The following PPP3R1 variants were observed in gnomAD, a reference collection of about 807,000 sequenced individuals.
PPP3R1 encodes calcineurin subunit B type 1.
A neutral mutation model predicts 22.6 loss-of-function variants in PPP3R1; 5 were observed. The observed-to-expected ratio is 0.22, with a 90% CI of 0.12 to 0.46. The LOEUF is 0.46. Among genes scored for constraint, PPP3R1 ranks in the 20% least tolerant of loss-of-function variants. The pLI, the probability that PPP3R1 is intolerant of heterozygous loss-of-function variation, is 0.99. For synonymous variants in PPP3R1, 56 were observed against 65.2 expected (o/e 0.86, Z 0.68); for missense variants, 61 against 203.2 (o/e 0.30, Z 4.25).
chr2:68,237,249 C>T (rs1260483712), intron 1 of PPP3R1, among the ~76,000 whole-genome samples: 1 of 152,020 alleles, frequency 6.6e-6, no homozygotes, highest in Non-Finnish European at 1.5e-5. Context: ...TCCAGTAGTT[C>T]AATTGATTCC....
At chr2:68,226,072 C>A (rs939611417) in intron 1 of PPP3R1, among the ~76,000 whole-genome samples, 3 of 152,040 alleles carry the variant, frequency 2.0e-5, no homozygotes, top group Admixed American at 6.6e-5. Context: ...GTAAAAGAAA[C>A]CAGACACAAA....
intron 1 of PPP3R1, among the ~76,000 whole-genome samples, chr2:68,238,844 GA>G (rs921239660): frequency 1.3e-5 from 2 of 151,964 alleles, no homozygotes; most frequent in African/African-American, 4.8e-5. Context: ...TTATGTCCCT[GA>G]AAAAAACCTC....
intron 2 of PPP3R1, among the ~76,000 whole-genome samples, chr2:68,212,079 G>A (rs1047012324): frequency 2.0e-5 from 3 of 151,944 alleles, no homozygotes; most frequent in Admixed American, 1.3e-4. Context: ...ATCCTTTCCC[G>A]GTTTGTTTGT....
intron 5 of PPP3R1, among the ~76,000 whole-genome samples, chr2:68,184,120 T>C (rs1215629025): frequency 6.6e-6 from 1 of 152,158 alleles, no homozygotes; most frequent in Non-Finnish European, 1.5e-5. Context: ...AATCTCTTGA[T>C]AGGGTGCAGG....
intron 1 of PPP3R1, among the ~76,000 whole-genome samples, chr2:68,246,452 G>A (rs1241294883): frequency 6.6e-6 from 1 of 152,026 alleles, no homozygotes. Context: ...GCTACTCAAA[G>A]CTTTAAAAAG....
At chr2:68,222,858 C>T (rs1290339211) in intron 1 of PPP3R1, among the ~76,000 whole-genome samples, 2 of 151,204 alleles carry the variant, frequency 1.3e-5, no homozygotes, top group South Asian at 4.2e-4. Context: ...CAAATAGGTA[C>T]AAAGAAAAAG....
chr2:68,247,203 T>A (rs564867059), intron 1 of PPP3R1, among the ~76,000 whole-genome samples: 13 of 152,198 alleles, frequency 8.5e-5, no homozygotes, highest in Non-Finnish European at 1.8e-4. Context: ...TCCATCTGCC[T>A]CGGCCTCCCA....
At chr2:68,244,922 G>C (rs556280982) in intron 1 of PPP3R1, among the ~76,000 whole-genome samples, 1 of 152,312 alleles carries the variant, frequency 6.6e-6, no homozygotes, top group South Asian at 2.1e-4. Context: ...TGCATTCACA[G>C]AGTTTACTTT....
Position 68,179,460 on chromosome 2 carries a change from TCAGTTGAAGGAA to T in PPP3R1, c.*1491_*1502del, listed in dbSNP as rs1423051408. The T allele has an allele frequency of 6.6e-6, 1 of 152,450 alleles. No homozygotes were observed. The allele number at this position is 152,450 out of a possible 1,614,324, so 9.4% of individuals were successfully genotyped here. ...AGACAGAGCCCATGATGTGCAGCAC[TCAGTTGAAGGAA>T]CAGCGATGGCAGGCAGGTGTGCTCA... On this transcript the variant is annotated 3_prime_UTR_variant, in exon 6 of 6. Coordinates refer to ENST00000234310, the MANE Select transcript of PPP3R1 (RefSeq NM_000945.4).
intron 1 of PPP3R1, among the ~76,000 whole-genome samples, chr2:68,240,146 G>C (rs752963506): frequency 6.6e-6 from 1 of 151,884 alleles, no homozygotes; most frequent in East Asian, 2.0e-4. Flanking sequence ...AGGAGCATTT[G>C]TAATTTTATA....
In PPP3R1 at chr2:68,180,141, G is replaced by A. The variant is rs1176447245; in HGVS notation, c.*822C>T. On this transcript the variant is annotated 3_prime_UTR_variant, in exon 6 of 6. Transcript: ENST00000234310. The stretch of plus-strand genomic sequence containing the variant: ...ATCACAACTAGCACTTAACGTTACT[G>A]AGGGACATTTAATAAATGCAATGGC... 2.0e-5 allele frequency: 3 copies of A among 152,194 alleles called. No homozygotes were observed. The highest frequency in any genetic ancestry group is 4.4e-5 in the Non-Finnish European group (3 of 68,034). The allele number at this position is 152,194 out of a possible 1,614,324, so 9.4% of individuals were successfully genotyped here. A position where few individuals can be genotyped will look rare whatever the true frequency, so the allele number is the denominator to read the frequency against.
At chr2:68,246,113 C>T (rs1225223899) in intron 1 of PPP3R1, among the ~76,000 whole-genome samples, 50 of 110,558 alleles carry the variant, frequency 4.5e-4, no homozygotes, top group African/African-American at 1.7e-3. Flanking sequence ...CTTGCTCTGT[C>T]GTCCAAGCTG....
intron 2 of PPP3R1, among the ~76,000 whole-genome samples, chr2:68,194,293 A>G (rs770590229): frequency 2.0e-5 from 3 of 152,236 alleles, no homozygotes; most frequent in Non-Finnish European, 4.4e-5. Context: ...ACCTCGATCA[A>G]TTGCACTCTG....
intron 1 of PPP3R1, among the ~76,000 whole-genome samples, chr2:68,241,306 G>A (rs1371287250): frequency 6.6e-6 from 1 of 151,014 alleles, no homozygotes; most frequent in Non-Finnish European, 1.5e-5. Context: ...ATTTTTCATT[G>A]TTATTTTTTA....
rs908121126 is a variant in PPP3R1, at chr2:68,205,073, T to C, written c.43+12019A>G. Among the ~76,000 whole-genome samples, 9 of 152,228 alleles carry C rather than the reference T, an allele frequency of 5.9e-5. No individual in the cohort carries two copies. The East Asian group carries it at 7.7e-4, about 13-fold the overall frequency. On this transcript the variant is annotated intron_variant, in intron 2 of 5. Coordinates refer to ENST00000234310, the MANE Select transcript of PPP3R1 (RefSeq NM_000945.4). ...TTAAAAAGCCCCAACTTTTCAATAA[T>C]AGAAAATTTCAAACACACACAAAGT...
At position 68,186,506 on chromosome 2, in the gene PPP3R1, C is replaced by T. The variant is rs1674549459; in HGVS notation, c.427G>A (p.Asp143Asn). The T allele has an allele frequency of 6.2e-7, 1 of 1,613,334 alleles. No homozygotes were observed. Among genetic ancestry groups the T allele is most frequent in the African/African-American group, 1.3e-5 (1 of 74,908 alleles). Residue 143 changes from aspartate (D) to asparagine (N), a missense_variant, in exon 5 of 6, where the codon GAT (aspartate) becomes AAT (asparagine). Transcript: ENST00000234310. ...VDKTIINADK[D>N]GDGRISFEEF... ...TCAAAGGATATTCTTCCATCTCCAT[C>T]CTTATCTGCATTTATTATGGTTTTG...
chr2:68,212,626 G>C lies in PPP3R1; in HGVS notation c.43+4466C>G, dbSNP rs545628379. Among the ~76,000 whole-genome samples, 9 of 152,324 alleles carry C rather than the reference G, an allele frequency of 5.9e-5. No homozygotes were observed. In the South Asian group the frequency reaches 1.7e-3, roughly 28 times the overall value. On this transcript the variant is annotated intron_variant, in intron 2 of 5. Transcript: ENST00000234310. ...GTCAATGAGCAACAATATTTTGAAA[G>C]AAATCTTTTTTTCTGAGAGGTAAGT...
intron 1 of PPP3R1, among the ~76,000 whole-genome samples, chr2:68,250,150 AG>A (rs1320003494): frequency 6.6e-6 from 1 of 151,952 alleles, no homozygotes; most frequent in Non-Finnish European, 1.5e-5. Context: ...AGGATGAAAG[AG>A]GAAAAAAAAA....
chr2:68,228,686 T>C (rs2103787880), intron 1 of PPP3R1, among the ~76,000 whole-genome samples: 1 of 152,078 alleles, frequency 6.6e-6, no homozygotes, highest in East Asian at 1.9e-4. Context: ...TTCAGGTAGA[T>C]TTTTCTCATC....
Sources: allele counts gnomAD v4.1 joint callset (sites outside exome capture counted in the v4.1 genomes callset), GRCh38; gene constraint gnomAD v4.1.1; transcripts MANE v1.5; gene names NCBI Gene and HGNC (gene_info 2026-07-23, HGNC 2026-07-21).